Variants in DRC3 observed in about 807,000 individuals in gnomAD.
DRC3 encodes the protein leucine rich repeat containing 48.
Under a neutral mutation model 57.6 loss-of-function variants are expected in DRC3, and 45 were observed. The observed-to-expected ratio is 0.78, with a 90% CI of 0.62 to 1.00. The LOEUF is 1.00. Among genes scored for constraint, DRC3 ranks in the 50% least tolerant of loss-of-function variants. The pLI, the probability that DRC3 is intolerant of heterozygous loss-of-function variation, is 0.00. For synonymous variants in DRC3, 257 were observed against 272.3 expected (o/e 0.94, Z 0.55); for missense variants, 655 against 675.2 (o/e 0.97, Z 0.33).
chr17:17,987,712 A>G (rs1312720590), intron 4 of DRC3, among the ~76,000 whole-genome samples: 1 of 152,152 alleles, frequency 6.6e-6, no homozygotes, highest in East Asian at 1.9e-4. Context: ...CAGGAGGATG[A>G]TTGGCGGAAC....
intron 12 of DRC3, chr17:18,010,940 T>G (rs560823855): frequency 2.1e-4 from 46 of 218,150 alleles, no homozygotes; most frequent in Admixed American, 8.2e-4. Flanking sequence ...AAGGATGAGG[T>G]TTTTTTTTTG....
chr17:17,975,952 G>A (rs1033537202), intron 2 of DRC3, among the ~76,000 whole-genome samples: 8 of 152,158 alleles, frequency 5.3e-5, no homozygotes, highest in Non-Finnish European at 1.0e-4. Context: ...CAAGAGGAGG[G>A]CAGTCTTAGA....
At chr17:18,001,474 G>T (rs1366187790) in intron 9 of DRC3, among the ~76,000 whole-genome samples, 1 of 152,182 alleles carries the variant, frequency 6.6e-6, no homozygotes, top group Non-Finnish European at 1.5e-5. Context: ...CTGCATTCCA[G>T]CCTGGGCAAT....
intron 4 of DRC3, among the ~76,000 whole-genome samples, chr17:17,985,816 G>A (rs2042931311): frequency 6.6e-6 from 1 of 152,194 alleles, no homozygotes; most frequent in Admixed American, 6.5e-5. Flanking sequence ...GGCACGGTGG[G>A]AAAGGAAGTG....
intron 9 of DRC3, 96 bp from the exon 10 acceptor site, chr17:18,004,267 C>G: frequency 5.9e-6 from 8 of 1,360,282 alleles, no homozygotes; most frequent in South Asian, 1.3e-5. Context: ...CAGGCTGACT[C>G]GAGTCCAAAT....
chr17:17,977,369 C>T, intron 2 of DRC3: 1 of 553,802 alleles, frequency 1.8e-6, no homozygotes. Flanking sequence ...AGGGATGAAA[C>T]CCTGTGGACA....
At chr17:18,007,891 T>C in intron 12 of DRC3, 1 of 992,580 alleles carries the variant, frequency 1.0e-6, no homozygotes, top group Non-Finnish European at 1.2e-6. Context: ...CCATCGTCCT[T>C]GGCCTGGACT....
At chr17:18,000,277 G>A (rs544119446) in intron 9 of DRC3, among the ~76,000 whole-genome samples, 1 of 140,784 alleles carries the variant, frequency 7.1e-6, no homozygotes, top group East Asian at 2.2e-4. Context: ...TGCATAGCAT[G>A]CCTTGCTCTG....
intron 4 of DRC3, among the ~76,000 whole-genome samples, chr17:17,985,790 A>G (rs1354470095): frequency 6.6e-6 from 1 of 152,318 alleles, no homozygotes; most frequent in East Asian, 1.9e-4. Context: ...TAAGCCTCCC[A>G]AGAACAGAAC....
intron 2 of DRC3, among the ~76,000 whole-genome samples, chr17:17,974,457 C>T (rs4471742): frequency 0.41 from 63,051 of 152,006 alleles, 14,140 homozygotes; most frequent in East Asian, 0.87. Context: ...CCGCAACCTC[C>T]GCCTCCCGGT....
chr17:17,982,052 G>C (rs2042717633), intron 3 of DRC3, among the ~76,000 whole-genome samples: 1 of 151,644 alleles, frequency 6.6e-6, no homozygotes, highest in Admixed American at 6.6e-5. Context: ...GAGTTCAGTG[G>C]CGTAATCTAG....
At chr17:18,012,477 G>T (rs7223696) in intron 12 of DRC3, among the ~76,000 whole-genome samples, 66,989 of 151,978 alleles carry the variant, frequency 0.44, 16,268 homozygotes, top group East Asian at 0.9. Context: ...CTCATGAGTT[G>T]GAGACCAGCC....
chr17:17,985,411 G>A (rs1056778240), intron 4 of DRC3, among the ~76,000 whole-genome samples: 1 of 152,218 alleles, frequency 6.6e-6, no homozygotes, highest in Non-Finnish European at 1.5e-5. Flanking sequence ...GCCCCTCAGA[G>A]TATAGGCAGA....
In DRC3 at chr17:17,994,949, C is replaced by A. The variant is rs2043395558; in HGVS notation, c.712-50C>A. On this transcript the variant is annotated intron_variant, in intron 7 of 13. Transcript: ENST00000399187. ...TTCCTCATGGGCCTGTGAGATGATG[C>A]AGGGGCCCCTGACAGGAGCCGTCCT... 5 of 1,312,440 alleles carry A rather than the reference C, an allele frequency of 3.8e-6. No individual in the cohort carries two copies. In the East Asian group the frequency reaches 1.2e-4, roughly 30 times the overall value. 81.3% of individuals were successfully genotyped at this position (1,312,440 alleles called of 1,614,324 possible).
At chr17:17,985,412 T>C (rs1246813855) in intron 4 of DRC3, among the ~76,000 whole-genome samples, 1 of 151,970 alleles carries the variant, frequency 6.6e-6, no homozygotes, top group African/African-American at 2.4e-5. Context: ...CCCCTCAGAG[T>C]ATAGGCAGAA....
intron 3 of DRC3, among the ~76,000 whole-genome samples, chr17:17,980,842 C>T (rs965850201): frequency 2.0e-5 from 3 of 152,178 alleles, no homozygotes; most frequent in Non-Finnish European, 4.4e-5. Flanking sequence ...ATCTGCCCAC[C>T]TCGGCCTCCC....
Position 18,008,191 on chromosome 17 carries a change from C to A in DRC3, c.1326+1044C>A, listed in dbSNP as rs1246315545. On this transcript the variant is annotated intron_variant, in intron 12 of 13. Coordinates refer to ENST00000399187, the MANE Select transcript of DRC3 (RefSeq NM_031294.4). This position sits in a 1 kb window ranked among gnomAD's most constrained non-coding sequence, Gnocchi z 4.3. ...CAGTTGATATTCCACCTGGCAGACA[C>A]GCTCTTCCTAGGTCCCCATGTGCCT... Among the ~76,000 whole-genome samples the A allele has an allele frequency of 2.0e-5, 3 of 152,326 alleles. No homozygotes were observed. In the East Asian group the frequency reaches 5.8e-4, roughly 29 times the overall value.
chr17:18,011,266 G>A (rs2044158675), intron 12 of DRC3: 1 of 292,130 alleles, frequency 3.4e-6, no homozygotes, highest in South Asian at 2.9e-5. Context: ...CTAGGATGAG[G>A]TTTTAAAGAT....
Position 17,994,980 on chromosome 17 carries a change from C to T in DRC3, c.712-19C>T, listed in dbSNP as rs533335600. ...CCCCTGACAGGAGCCGTCCTACCTACGTGTGTTTCTGCCTGCAGACTGCGT... is the reference window on the plus strand; with the variant it reads ...CCCCTGACAGGAGCCGTCCTACCTATGTGTGTTTCTGCCTGCAGACTGCGT... On this transcript the variant is annotated intron_variant, in intron 7 of 13. Coordinates refer to ENST00000399187, the MANE Select transcript of DRC3 (RefSeq NM_031294.4). The T allele has an allele frequency of 1.4e-5, 23 of 1,595,352 alleles. No homozygotes were observed. In the Admixed American group the frequency reaches 2.0e-4, roughly 14 times the overall value.
Sources: gnomAD v4.1 joint callset for allele counts (sites outside exome capture counted in the v4.1 genomes callset) on GRCh38, gnomAD v4.1.1 for gene constraint, Gnocchi (gnomAD v3.1) non-coding constraint, MANE v1.5 for transcripts, NCBI Gene and HGNC (gene_info 2026-07-23, HGNC 2026-07-21) for gene names.